The following MPRIP variants were observed in gnomAD, a reference collection of about 807,000 sequenced individuals.
MPRIP encodes myosin phosphatase Rho interacting protein, also known as myosin phosphatase Rho-interacting protein.
In MPRIP, 59 loss-of-function variants were observed where a neutral mutation model predicts 234.9. That is an observed-to-expected ratio of 0.25 (90% CI 0.20 to 0.31). MPRIP has a LOEUF of 0.31. MPRIP is among the 10% of genes least tolerant of loss of function. The pLI, the probability that MPRIP is intolerant of heterozygous loss-of-function variation, is 1.00. For synonymous variants in MPRIP, 1,144 were observed against 1,263.9 expected (o/e 0.91, Z 2.01); for missense variants, 2,436 against 3,071.0 (o/e 0.79, Z 4.89).
intron 10 of MPRIP, among the ~76,000 whole-genome samples, chr17:17,146,309 A>G (rs1293354735): frequency 2.6e-5 from 4 of 152,136 alleles, no homozygotes; most frequent in African/African-American, 9.7e-5. Context: ...CTGGAGGGGC[A>G]CTCGGTAGGC....
intron 9 of MPRIP, among the ~76,000 whole-genome samples, chr17:17,144,306 G>A (rs1393431492): frequency 1.3e-5 from 2 of 152,242 alleles, no homozygotes; most frequent in African/African-American, 4.8e-5. Flanking sequence ...CCAGGGCTTG[G>A]GGGCTGCCAA....
intron 23 of MPRIP, 190 bp downstream of exon 23, chr17:17,180,278 C>T (rs1170805665): frequency 3.3e-6 from 2 of 609,924 alleles, no homozygotes; most frequent in Non-Finnish European, 5.8e-6. Flanking sequence ...CTTGGAGCCA[C>T]CTCCTGGCAA....
At chr17:17,105,218 A>G (rs1234252577) in intron 3 of MPRIP, among the ~76,000 whole-genome samples, 1 of 152,024 alleles carries the variant, frequency 6.6e-6, no homozygotes, top group East Asian at 1.9e-4. Flanking sequence ...TGTCTCACCC[A>G]CCCTCGTGGT....
intron 3 of MPRIP, among the ~76,000 whole-genome samples, chr17:17,106,646 T>C (rs1466424430): frequency 6.6e-6 from 1 of 152,158 alleles, no homozygotes; most frequent in African/African-American, 2.4e-5. Context: ...GATGCAGAGC[T>C]GTTTAGTCTG....
At chr17:17,097,269 TG>T (rs2089868021) in intron 3 of MPRIP, 6 of 157,816 alleles carry the variant, frequency 3.8e-5, no homozygotes, top group Admixed American at 3.1e-4. Context: ...TCTCTTATGA[TG>T]TGTATTTATG....
At position 17,185,241 on chromosome 17, in the gene MPRIP, T is replaced by A; in HGVS notation, c.*347T>A. 1 of 338,806 alleles carries A rather than the reference T, an allele frequency of 3.0e-6. No individual in the cohort carries two copies. Among genetic ancestry groups the A allele is most frequent in the Non-Finnish European group, 5.8e-6 (1 of 171,686 alleles). The allele number at this position is 338,806 out of a possible 1,614,324, so 21.0% of individuals were successfully genotyped here. A position where few individuals can be genotyped will look rare whatever the true frequency, so the allele number is the denominator to read the frequency against. ...CAGCCTGTTGATAAGCTACCCTGTC[T>A]CACCATGTGCTGGTGTGGAAACGGG... is the stretch of plus-strand genomic sequence containing the variant. On this transcript the variant is annotated 3_prime_UTR_variant, in exon 24 of 24. Transcript: ENST00000651222.
At chr17:17,054,031 G>A (rs949538295) in intron 1 of MPRIP, among the ~76,000 whole-genome samples, 3 of 151,968 alleles carry the variant, frequency 2.0e-5, no homozygotes, top group Non-Finnish European at 4.4e-5. Context: ...AAGTTTCTAC[G>A]GCATATTTCA....
At chr17:17,085,224 A>C (rs1164726509) in intron 3 of MPRIP, among the ~76,000 whole-genome samples, 1 of 152,230 alleles carries the variant, frequency 6.6e-6, no homozygotes, top group Middle Eastern at 3.4e-3. Flanking sequence ...CTCCCGGGCT[A>C]TTCGGACCAC....
At position 17,126,806 on chromosome 17, in the gene MPRIP, T is replaced by G; in HGVS notation, c.372T>G (p.Pro124=). The G allele has an allele frequency of 6.8e-6, 11 of 1,614,200 alleles. No homozygotes were observed. The highest frequency in any genetic ancestry group is 9.3e-6 in the Non-Finnish European group (11 of 1,180,032). ...GQKFSLCILT[P]EKEHFIRAET... is the part of the protein sequence containing the mutation. Reference sequence around the variant, plus strand: ...AGTTCTCCCTGTGTATTCTGACGCCTGAGAAGGAGCATTTCATCCGGGCGG... The same window carrying G: ...AGTTCTCCCTGTGTATTCTGACGCCGGAGAAGGAGCATTTCATCCGGGCGG... The change falls in exon 4 of 24, where the codon CCT becomes CCG. Residue 124 remains proline, a synonymous_variant. Coordinates refer to ENST00000651222, the MANE Select transcript of MPRIP (RefSeq NM_001364716.4).
intron 3 of MPRIP, among the ~76,000 whole-genome samples, chr17:17,125,914 G>T (rs1233611154): frequency 6.6e-6 from 1 of 152,184 alleles, no homozygotes; most frequent in Non-Finnish European, 1.5e-5. Flanking sequence ...CCCTGGTGTG[G>T]TGGTAACCAT....
At chr17:17,079,044 G>A (rs1163821744) in intron 3 of MPRIP, among the ~76,000 whole-genome samples, 2 of 152,192 alleles carry the variant, frequency 1.3e-5, no homozygotes, top group Admixed American at 1.3e-4. Flanking sequence ...ACTGTCCCTA[G>A]AGGTACCTTC....
intron 15 of MPRIP, among the ~76,000 whole-genome samples, chr17:17,162,356 C>T (rs907107509): frequency 2.6e-5 from 4 of 152,226 alleles, no homozygotes; most frequent in African/African-American, 4.8e-5. Flanking sequence ...GACCGCAGTG[C>T]GCTGACCTTG....
intron 15 of MPRIP, among the ~76,000 whole-genome samples, chr17:17,161,938 T>C (rs887315711): frequency 1.7e-4 from 26 of 152,214 alleles, no homozygotes; most frequent in African/African-American, 4.6e-4. Context: ...TATAGGGGTG[T>C]CACAAGGCTG....
chr17:17,052,925 G>A (rs1287351300), intron 1 of MPRIP, among the ~76,000 whole-genome samples: 1 of 152,152 alleles, frequency 6.6e-6, no homozygotes, highest in Non-Finnish European at 1.5e-5. Context: ...TTCCACACAA[G>A]GTTTCTGACC....
rs531965874 is a variant in MPRIP at position 17,173,917 on chromosome 17, G to C, written c.6592G>C (p.Glu2198Gln). The change falls in exon 19 of 24, where the codon GAG becomes CAG. Residue 2198 changes from glutamate (E) to glutamine (Q), a missense_variant and splice_region_variant. This residue lies in a region of MPRIP where 1,998 missense variants were observed against 2,520.3 expected (regional missense o/e 0.79). Transcript: ENST00000651222. ...DVEALRRQYL[E>Q]ELQSVQRELE... The stretch of plus-strand genomic sequence containing the variant: ...GAGTGAGTGCTGCCCTCTCCCCAGG[G>C]AGGAGCTGCAGTCGGTGCAGCGGGA... 5 of 1,613,456 alleles carry C rather than the reference G, an allele frequency of 3.1e-6. No homozygotes were observed. The Admixed American group carries it at 8.3e-5, about 27-fold the overall frequency.
chr17:17,176,017 G>C (rs1414880124), intron 20 of MPRIP, among the ~76,000 whole-genome samples: 1 of 152,206 alleles, frequency 6.6e-6, no homozygotes, highest in Non-Finnish European at 1.5e-5. Flanking sequence ...CCCGAGTCCA[G>C]GTGTTGGGCC....
At chr17:17,151,589 C>T (rs539466118) in intron 12 of MPRIP, among the ~76,000 whole-genome samples, 3 of 152,336 alleles carry the variant, frequency 2.0e-5, no homozygotes, top group South Asian at 2.1e-4. Context: ...AACCCCAACC[C>T]TCTGATTTAA....
intron 15 of MPRIP, among the ~76,000 whole-genome samples, chr17:17,162,261 CTG>C (rs934006378): frequency 6.6e-6 from 1 of 152,234 alleles, no homozygotes; most frequent in African/African-American, 2.4e-5. Context: ...AGTCTGCTGC[CTG>C]TGTAGACTTA....
intron 1 of MPRIP, among the ~76,000 whole-genome samples, chr17:17,064,144 C>G (rs1370038420): frequency 6.6e-6 from 1 of 152,072 alleles, no homozygotes; most frequent in Non-Finnish European, 1.5e-5. Flanking sequence ...CCCTGTAGAC[C>G]CCTGAGGACT....
Sources: gnomAD v4.1 joint callset for allele counts (sites outside exome capture counted in the v4.1 genomes callset) on GRCh38, gnomAD v4.1.1 for gene constraint, gnomAD v4.1.1 regional missense constraint, MANE v1.5 for transcripts, NCBI Gene and HGNC (gene_info 2026-07-23, HGNC 2026-07-21) for gene names.